Variants in EHBP1 observed in about 807,000 individuals in gnomAD.
The protein encoded by EHBP1 is EH domain-binding protein 1.
EHBP1 carries 55 observed loss-of-function variants against 144.0 expected under a neutral mutation model. The ratio of observed to expected loss-of-function variants is 0.38; its 90% CI spans 0.31 to 0.48. The LOEUF (loss-of-function observed/expected upper bound fraction) is 0.48. Ranked by LOEUF, EHBP1 falls within the 20% of genes least tolerant of loss-of-function variation. The pLI, the probability that EHBP1 is intolerant of heterozygous loss-of-function variation, is 0.98. For synonymous variants in EHBP1, 469 were observed against 472.7 expected (o/e 0.99, Z 0.10); for missense variants, 1,200 against 1,364.2 (o/e 0.88, Z 1.90).
intron 3 of EHBP1, among the ~76,000 whole-genome samples, chr2:62,760,047 A>G (rs989693652): frequency 6.6e-6 from 1 of 152,128 alleles, no homozygotes; most frequent in African/African-American, 2.4e-5. Flanking sequence ...CTGCACATAA[A>G]GTCCTGAAGA....
intron 16 of EHBP1, among the ~76,000 whole-genome samples, chr2:62,991,379 A>G (rs190730673): frequency 6.6e-6 from 1 of 152,286 alleles, no homozygotes; most frequent in East Asian, 1.9e-4. Flanking sequence ...TCAAGTAAAA[A>G]TAGAGGCAAT....
chr2:62,835,674 A>T (rs893490255), intron 7 of EHBP1, among the ~76,000 whole-genome samples: 4 of 152,176 alleles, frequency 2.6e-5, no homozygotes, highest in African/African-American at 9.6e-5. Context: ...GCATTGCCTC[A>T]CCTGGGAAGC....
At chr2:62,928,104 A>AT (rs1406283417) in intron 10 of EHBP1, among the ~76,000 whole-genome samples, 1 of 152,172 alleles carries the variant, frequency 6.6e-6, no homozygotes, top group African/African-American at 2.4e-5. Flanking sequence ...TTAGGGGGAA[A>AT]TTTTTAGCAA....
At chr2:62,677,151 G>T (rs1472034621) in intron 1 of EHBP1, among the ~76,000 whole-genome samples, 1 of 152,178 alleles carries the variant, frequency 6.6e-6, no homozygotes, top group Non-Finnish European at 1.5e-5. Flanking sequence ...AGCTGTGATT[G>T]TGCCACTGCA....
intron 14 of EHBP1, among the ~76,000 whole-genome samples, chr2:62,975,935 C>CACACACACAT (rs1491058043): frequency 7.4e-6 from 1 of 134,284 alleles, no homozygotes; most frequent in African/African-American, 2.7e-5. Flanking sequence ...CACACACACA[C>CACACACACAT]ATATATAGTA....
At chr2:62,851,976 A>C (rs575222028) in intron 7 of EHBP1, among the ~76,000 whole-genome samples, 1 of 152,322 alleles carries the variant, frequency 6.6e-6, no homozygotes, top group African/African-American at 2.4e-5. Context: ...TACTCTAAGC[A>C]TTTGGAAAAA....
At chr2:63,001,698 C>G (rs1217843951) in intron 19 of EHBP1, among the ~76,000 whole-genome samples, 1 of 152,030 alleles carries the variant, frequency 6.6e-6, no homozygotes, top group Admixed American at 6.6e-5. Context: ...AAACTGAGGC[C>G]TAGAGACAGA....
At chr2:62,890,699 C>T (rs1465473653) in intron 10 of EHBP1, among the ~76,000 whole-genome samples, 1 of 152,174 alleles carries the variant, frequency 6.6e-6, no homozygotes, top group Non-Finnish European at 1.5e-5. Flanking sequence ...GATAGTATAA[C>T]TTCCTCTCTC....
At chr2:62,987,500 A>T (rs1275581479) in intron 15 of EHBP1, among the ~76,000 whole-genome samples, 2 of 152,182 alleles carry the variant, frequency 1.3e-5, no homozygotes, top group Non-Finnish European at 2.9e-5. Context: ...AAATATATAT[A>T]TGAGGAATGT....
At chr2:63,008,414 A>AT (rs536413972) in intron 19 of EHBP1, among the ~76,000 whole-genome samples, 46 of 151,480 alleles carry the variant, frequency 3.0e-4, no homozygotes, top group South Asian at 8.3e-4. Flanking sequence ...TGTTTTTTTC[A>AT]TTTTTTTAAT....
At chr2:62,895,290 C>G (rs2052810412) in intron 10 of EHBP1, among the ~76,000 whole-genome samples, 1 of 150,172 alleles carries the variant, frequency 6.7e-6, no homozygotes, top group Non-Finnish European at 1.5e-5. Flanking sequence ...TCATCATCAT[C>G]ATCATCATCA....
chr2:62,781,508 A>G (rs1044822269), intron 5 of EHBP1, among the ~76,000 whole-genome samples: 10 of 152,258 alleles, frequency 6.6e-5, no homozygotes, highest in Admixed American at 1.3e-4. Context: ...GCTGTAGTAT[A>G]TATATGGTAA....
chr2:62,691,064 T>A (rs1440261460), intron 1 of EHBP1, among the ~76,000 whole-genome samples: 1 of 152,254 alleles, frequency 6.6e-6, no homozygotes, highest in Non-Finnish European at 1.5e-5. Flanking sequence ...GGGCTTTAAT[T>A]TTTTGAAAGA....
At chr2:62,923,984 C>T (rs148177743) in intron 10 of EHBP1, among the ~76,000 whole-genome samples, 44 of 152,306 alleles carry the variant, frequency 2.9e-4, no homozygotes, top group African/African-American at 1.0e-3. Context: ...GAAACAGCCT[C>T]ATGGGTCCCT....
At chr2:62,869,478 T>G (rs894319436) in intron 9 of EHBP1, among the ~76,000 whole-genome samples, 46 of 152,190 alleles carry the variant, frequency 3.0e-4, no homozygotes, top group Non-Finnish European at 5.6e-4. Flanking sequence ...AACAAACTGT[T>G]GGTAAATTGC....
chr2:62,835,381 C>A (rs972099008), intron 7 of EHBP1, among the ~76,000 whole-genome samples: 1 of 152,110 alleles, frequency 6.6e-6, no homozygotes, highest in Admixed American at 6.5e-5. Context: ...GGTATATAAC[C>A]TAGTTTCATT....
rs546371753 is a variant in EHBP1 at position 62,798,104 on chromosome 2, C to T, written c.312+26712C>T. Among the ~76,000 whole-genome samples, 8 of 152,146 alleles carry T rather than the reference C, an allele frequency of 5.3e-5. No homozygotes were observed. In the South Asian group the frequency reaches 8.3e-4, roughly 16 times the overall value. On this transcript the variant is annotated intron_variant, in intron 5 of 22. Transcript: ENST00000431489. ...AATAAAGGCCGGGTGTGGTGGCTCA[C>T]GCCTGTAATCCTAGCACGTTGGGAG...
At chr2:62,755,080 C>T (rs1347237142) in intron 3 of EHBP1, among the ~76,000 whole-genome samples, 3 of 152,226 alleles carry the variant, frequency 2.0e-5, no homozygotes, top group African/African-American at 4.8e-5. Flanking sequence ...CTGCATCGCT[C>T]AACGCTGGGA....
At chr2:62,972,921 A>G (rs2058560071) in intron 14 of EHBP1, among the ~76,000 whole-genome samples, 1 of 152,226 alleles carries the variant, frequency 6.6e-6, no homozygotes, top group Admixed American at 6.5e-5. Flanking sequence ...TTATAAACAG[A>G]AAGTCCCATT....
Sources: allele counts gnomAD v4.1 joint callset (sites outside exome capture counted in the v4.1 genomes callset), GRCh38; gene constraint gnomAD v4.1.1; transcripts MANE v1.5; gene names NCBI Gene and HGNC (gene_info 2026-07-23, HGNC 2026-07-21).